Variants in MAST4 observed in about 807,000 individuals in gnomAD.
The protein encoded by MAST4 is microtubule-associated serine/threonine-protein kinase 4.
Under a neutral mutation model 162.7 loss-of-function variants are expected in MAST4, and 89 were observed. That is an observed-to-expected ratio of 0.55 (90% CI 0.46 to 0.65). MAST4 has a LOEUF of 0.65. Ranked by LOEUF, MAST4 falls within the 30% of genes least tolerant of loss-of-function variation. The pLI, the probability that MAST4 is intolerant of heterozygous loss-of-function variation, is 0.00. For missense variants in MAST4, 3,153 were observed against 3,374.0 expected (o/e 0.93, Z 1.62); for synonymous variants, 1,479 against 1,361.1 (o/e 1.09, Z -1.91).
intron 3 of MAST4, among the ~76,000 whole-genome samples, chr5:66,805,546 A>T (rs1756144095): frequency 6.6e-6 from 1 of 152,190 alleles, no homozygotes; most frequent in Non-Finnish European, 1.5e-5. Flanking sequence ...TTGTGAAAAT[A>T]TTGAACTGCA....
At chr5:66,907,109 G>A (rs1466143684) in intron 4 of MAST4, among the ~76,000 whole-genome samples, 1 of 148,794 alleles carries the variant, frequency 6.7e-6, no homozygotes, top group Non-Finnish European at 1.5e-5. Flanking sequence ...TAGAAGGGTG[G>A]GGAAAATGGA....
At chr5:66,876,876 C>T (rs79713343) in intron 3 of MAST4, among the ~76,000 whole-genome samples, 3 of 152,090 alleles carry the variant, frequency 2.0e-5, no homozygotes, top group South Asian at 2.1e-4. Context: ...AGCAACAGCC[C>T]GAAGGAACAC....
chr5:67,068,184 T>A (rs1760474063), intron 5 of MAST4, among the ~76,000 whole-genome samples: 1 of 152,160 alleles, frequency 6.6e-6, no homozygotes, highest in South Asian at 2.1e-4. Flanking sequence ...CTGAACACAG[T>A]GTTTAGATGA....
rs557014957 is a variant in MAST4, at chr5:67,073,017, G to GT, written c.764-17144dup. 1.1e-3 allele frequency among the ~76,000 whole-genome samples: 165 copies of GT among 152,312 alleles called. 2 individuals are homozygous for GT. Among genetic ancestry groups the GT allele is most frequent in the African/African-American group, 3.9e-3 (163 of 41,576 alleles). On this transcript the variant is annotated intron_variant, in intron 5 of 28. Transcript: ENST00000403625. Reference sequence around the variant, plus strand: ...TTTCAATTAGACTTTTCATGAGTATGTATATGTGTGTTTAACTGTTTTCTT... The same window carrying GT: ...TTTCAATTAGACTTTTCATGAGTATGTTATATGTGTGTTTAACTGTTTTCTT...
intron 4 of MAST4, among the ~76,000 whole-genome samples, chr5:67,023,624 A>G (rs1754262564): frequency 6.6e-6 from 1 of 152,140 alleles, no homozygotes; most frequent in Non-Finnish European, 1.5e-5. Flanking sequence ...CGGAGTGAAC[A>G]TGGTGGAGGA....
chr5:66,607,418 C>T (rs1269381919), intron 1 of MAST4, among the ~76,000 whole-genome samples: 1 of 152,112 alleles, frequency 6.6e-6, no homozygotes, highest in Non-Finnish European at 1.5e-5. Context: ...TTCTTATTTT[C>T]CTGTTGGCTT....
At chr5:66,828,845 T>A (rs747816304) in intron 3 of MAST4, 1 of 1,606,956 alleles carries the variant, frequency 6.2e-7, no homozygotes, top group South Asian at 1.1e-5. Context: ...GAGGGTGAGA[T>A]GGATGAGTCC....
At chr5:66,658,086 G>C (rs944338552) in intron 1 of MAST4, among the ~76,000 whole-genome samples, 2 of 152,206 alleles carry the variant, frequency 1.3e-5, no homozygotes, top group Non-Finnish European at 2.9e-5. Context: ...ACCTGGTGCT[G>C]CCACTTCAGG....
chr5:66,878,200 C>T (rs568840805), intron 3 of MAST4, among the ~76,000 whole-genome samples: 1 of 152,190 alleles, frequency 6.6e-6, no homozygotes, highest in African/African-American at 2.4e-5. Context: ...ATTTTCTTCT[C>T]TCCTGGTCAT....
At chr5:66,873,835 T>C (rs937966301) in intron 3 of MAST4, among the ~76,000 whole-genome samples, 1 of 152,250 alleles carries the variant, frequency 6.6e-6, no homozygotes, top group African/African-American at 2.4e-5. Flanking sequence ...TCTACACATG[T>C]CATTCCTTAT....
At chr5:67,088,151 T>G (rs2545385) in intron 5 of MAST4, among the ~76,000 whole-genome samples, 49,719 of 152,098 alleles carry the variant, frequency 0.33, 8,434 homozygotes, top group Middle Eastern at 0.37. Context: ...ATTCTTTGTT[T>G]CTTCTTTCTT....
chr5:67,041,928 A>G (rs569775935), intron 4 of MAST4, among the ~76,000 whole-genome samples: 1 of 152,296 alleles, frequency 6.6e-6, no homozygotes, highest in South Asian at 2.1e-4. Flanking sequence ...GTGCCTAGCC[A>G]TGATTATTGA....
At chr5:66,983,743 A>C (rs975836431) in intron 4 of MAST4, among the ~76,000 whole-genome samples, 3 of 152,220 alleles carry the variant, frequency 2.0e-5, no homozygotes, top group Non-Finnish European at 4.4e-5. Context: ...TGATTTGTCA[A>C]CAGAGGTTTT....
intron 2 of MAST4, among the ~76,000 whole-genome samples, chr5:66,785,218 G>A (rs899775644): frequency 1.3e-5 from 2 of 152,170 alleles, no homozygotes; most frequent in African/African-American, 2.4e-5. Context: ...GTGACAGAGT[G>A]AGACCCTGTC....
intron 1 of MAST4, among the ~76,000 whole-genome samples, chr5:66,701,204 G>A (rs749337062): frequency 6.6e-6 from 1 of 152,148 alleles, no homozygotes; most frequent in Non-Finnish European, 1.5e-5. Context: ...AAACTTGGCT[G>A]TTTCTCTTTA....
In MAST4 at chr5:66,675,042, T is replaced by C. The variant is rs113015535; in HGVS notation, c.363+78024T>C. On this transcript the variant is annotated intron_variant, in intron 1 of 28. Transcript: ENST00000403625. ...CCACAGTGCCCCTGCTATAGGACAG[T>C]CACTGCTGCTTGCTGGACCCTTGAC... 8.3e-3 allele frequency among the ~76,000 whole-genome samples: 1,270 copies of C among 152,242 alleles called. 16 individuals carry two copies. The highest frequency in any genetic ancestry group is 0.028 in the African/African-American group (1,170 of 41,548).
At chr5:67,052,602 A>C (rs898635951) in intron 4 of MAST4, among the ~76,000 whole-genome samples, 1 of 152,088 alleles carries the variant, frequency 6.6e-6, no homozygotes, top group Non-Finnish European at 1.5e-5. Context: ...GTATATCAGC[A>C]TATTTCACTG....
intron 4 of MAST4, among the ~76,000 whole-genome samples, chr5:67,024,332 T>TACACAC (rs1385714754): frequency 7.8e-6 from 1 of 127,424 alleles, no homozygotes; most frequent in Non-Finnish European, 1.6e-5. Context: ...TATCTATATA[T>TACACAC]ATATACACAC....
At chr5:66,860,639 C>G (rs1183054632) in intron 3 of MAST4, among the ~76,000 whole-genome samples, 1 of 150,440 alleles carries the variant, frequency 6.6e-6, no homozygotes, top group African/African-American at 2.4e-5. Context: ...TTTTCGTCAG[C>G]AGCCTTTCTT....
Sources: allele counts gnomAD v4.1 joint callset (sites outside exome capture counted in the v4.1 genomes callset), GRCh38; gene constraint gnomAD v4.1.1; transcripts MANE v1.5; gene names NCBI Gene and HGNC (gene_info 2026-07-23, HGNC 2026-07-21).